CREB5: variants seen among roughly 807,000 people sequenced by gnomAD.
CREB5 encodes cAMP responsive element binding protein 5, also known as cyclic AMP-responsive element-binding protein 5.
In CREB5, 19 loss-of-function variants were observed where a neutral mutation model predicts 57.1. That is an observed-to-expected ratio of 0.33 (90% confidence interval 0.23 to 0.49). The LOEUF is 0.49. CREB5 is among the 20% of genes least tolerant of loss of function. The pLI, the probability that CREB5 is intolerant of heterozygous loss-of-function variation, is 0.99. For missense variants in CREB5, 579 were observed against 671.6 expected, an observed-to-expected ratio of 0.86 and a Z score of 1.52; for synonymous variants, 238 against 238.3, an observed-to-expected ratio of 1.00 and a Z score of 0.01.
At chr7:28,738,445 C>A (rs921466592) in intron 7 of CREB5, among the ~76,000 whole-genome samples, 1 of 152,154 alleles carries the variant, frequency 6.6e-6, no homozygotes, top group Non-Finnish European at 1.5e-5. Flanking sequence ...CTGGAACAAC[C>A]GTACCCATGA....
At chr7:28,423,566 G>A (rs1227198365) in intron 1 of CREB5, among the ~76,000 whole-genome samples, 1 of 152,090 alleles carries the variant, frequency 6.6e-6, no homozygotes, top group East Asian at 1.9e-4. Context: ...TGGAAGATGA[G>A]GGGTCCAGAG....
chr7:28,611,998 C>G (rs1296972028), intron 5 of CREB5, among the ~76,000 whole-genome samples: 1 of 152,154 alleles, frequency 6.6e-6, no homozygotes, highest in African/African-American at 2.4e-5. Context: ...AGCCAGCAAG[C>G]CATCTGGATG....
At chr7:28,386,938 T>C (rs1348366997) in intron 1 of CREB5, among the ~76,000 whole-genome samples, 1 of 152,214 alleles carries the variant, frequency 6.6e-6, no homozygotes, top group Non-Finnish European at 1.5e-5. Flanking sequence ...TAGTATTCCA[T>C]GGTGTGTATA....
At chr7:28,637,076 C>T (rs1333613506) in intron 5 of CREB5, among the ~76,000 whole-genome samples, 2 of 152,012 alleles carry the variant, frequency 1.3e-5, no homozygotes, top group Admixed American at 1.3e-4. Flanking sequence ...ATCACTTGAG[C>T]CCAGGAGGAT....
At chr7:28,478,106 AAAAC>A (rs1476873854) in intron 1 of CREB5, among the ~76,000 whole-genome samples, 1 of 152,194 alleles carries the variant, frequency 6.6e-6, no homozygotes, top group African/African-American at 2.4e-5. Flanking sequence ...ACCATGTCTC[AAAAC>A]AAACAGACAA....
intron 5 of CREB5, among the ~76,000 whole-genome samples, chr7:28,705,508 G>A (rs559168344): frequency 1.2e-4 from 18 of 152,124 alleles, no homozygotes; most frequent in Admixed American, 2.0e-4. Context: ...GTCACTTTCC[G>A]TTTCTATTTA....
chr7:28,345,509 G>A (rs180970684), intron 1 of CREB5, among the ~76,000 whole-genome samples: 66 of 152,232 alleles, frequency 4.3e-4, no homozygotes, highest in African/African-American at 1.6e-3. Context: ...GTGCTGGGAG[G>A]GGCCAGGCTT....
chr7:28,539,148 A>G (rs1794098675), intron 4 of CREB5, among the ~76,000 whole-genome samples: 1 of 152,262 alleles, frequency 6.6e-6, no homozygotes, highest in Non-Finnish European at 1.5e-5. Flanking sequence ...ACTGGAGATA[A>G]TAACAGTGTC....
intron 1 of CREB5, among the ~76,000 whole-genome samples, chr7:28,353,282 C>T (rs538899618): frequency 1.6e-4 from 25 of 152,168 alleles, no homozygotes; most frequent in African/African-American, 6.0e-4. Flanking sequence ...GGGATTGCAC[C>T]ATGTTGGCCA....
intron 1 of CREB5, among the ~76,000 whole-genome samples, chr7:28,471,421 C>T (rs993955458): frequency 2.0e-5 from 3 of 152,036 alleles, no homozygotes; most frequent in Non-Finnish European, 4.4e-5. Flanking sequence ...TCTTCTGTTC[C>T]ATTGGTCTCT....
intron 1 of CREB5, among the ~76,000 whole-genome samples, chr7:28,332,492 A>G (rs572982553): frequency 1.1e-3 from 171 of 152,332 alleles, no homozygotes; most frequent in African/African-American, 3.9e-3. Flanking sequence ...TGGTAGAAAC[A>G]GTAAGTGGGA....
intron 1 of CREB5, among the ~76,000 whole-genome samples, chr7:28,303,823 T>C (rs1459833043): frequency 6.6e-6 from 1 of 152,220 alleles, no homozygotes; most frequent in African/African-American, 2.4e-5. Context: ...TTAATGGGAT[T>C]TTATAGTATT....
intron 7 of CREB5, among the ~76,000 whole-genome samples, chr7:28,749,739 C>T (rs1212060325): frequency 2.0e-5 from 3 of 152,076 alleles, no homozygotes; most frequent in Non-Finnish European, 4.4e-5. Context: ...TCAAGACAAT[C>T]TTTAAGGTTA....
At chr7:28,480,959 A>T (rs979221030) in intron 1 of CREB5, among the ~76,000 whole-genome samples, 1 of 152,210 alleles carries the variant, frequency 6.6e-6, no homozygotes, top group Non-Finnish European at 1.5e-5. Context: ...TATCTAAAGA[A>T]ACATATGGAA....
chr7:28,752,320 C>A (rs1194773064), intron 7 of CREB5, among the ~76,000 whole-genome samples: 1 of 152,174 alleles, frequency 6.6e-6, no homozygotes, highest in Non-Finnish European at 1.5e-5. Flanking sequence ...GTGTCCGCTA[C>A]CACACCTAGC....
intron 1 of CREB5, among the ~76,000 whole-genome samples, chr7:28,424,973 G>A (rs1321157093): frequency 1.3e-5 from 2 of 152,132 alleles, no homozygotes; most frequent in Non-Finnish European, 2.9e-5. Context: ...GCAAAGATCC[G>A]ACTAGACAGT....
chr7:28,624,998 ATT>A (rs10603623), intron 5 of CREB5, among the ~76,000 whole-genome samples: 2,558 of 138,252 alleles, frequency 0.019, 47 homozygotes, highest in African/African-American at 0.051. Flanking sequence ...ACCATGTTGG[ATT>A]TTTTTTTTTT....
At chr7:28,329,105 T>G (rs1333661443) in intron 1 of CREB5, among the ~76,000 whole-genome samples, 1 of 152,230 alleles carries the variant, frequency 6.6e-6, no homozygotes, top group African/African-American at 2.4e-5. Flanking sequence ...TGGTTCATTC[T>G]GTAAAGCTGA....
intron 5 of CREB5, among the ~76,000 whole-genome samples, chr7:28,598,407 A>C (rs1225952429): frequency 6.6e-6 from 1 of 152,162 alleles, no homozygotes; most frequent in East Asian, 1.9e-4. Flanking sequence ...TGTGAAAGGG[A>C]TGAGCAACCA....
Sources: gnomAD v4.1 joint callset for allele counts (sites outside exome capture counted in the v4.1 genomes callset) on GRCh38, gnomAD v4.1.1 for gene constraint, MANE v1.5 for transcripts, NCBI Gene and HGNC (gene_info 2026-07-23, HGNC 2026-07-21) for gene names.